The following KSR2 variants were observed in gnomAD, a reference collection of about 807,000 sequenced individuals.
The protein encoded by KSR2 is kinase suppressor of ras 2.
Under a neutral mutation model 107.8 loss-of-function variants are expected in KSR2, and 25 were observed. The observed-to-expected ratio is 0.23, with a 90% CI of 0.17 to 0.32. The LOEUF (loss-of-function observed/expected upper bound fraction) is 0.32. KSR2 is among the 10% of genes least tolerant of loss of function. The probability of loss-of-function intolerance (pLI) is 1.00; values close to 1 mark genes in which losing one functional copy is unlikely to be tolerated. For missense variants in KSR2, 887 were observed against 1,268.9 expected (o/e 0.70, Z 4.57); for synonymous variants, 480 against 507.0 (o/e 0.95, Z 0.71).
At chr12:117,627,899 TC>T (rs1232947068) in intron 5 of KSR2, among the ~76,000 whole-genome samples, 1 of 152,226 alleles carries the variant, frequency 6.6e-6, no homozygotes, top group Non-Finnish European at 1.5e-5. Flanking sequence ...TTTGTTCATT[TC>T]TTTTTACTCT....
At chr12:117,799,294 G>T (rs1890745585) in intron 3 of KSR2, among the ~76,000 whole-genome samples, 1 of 152,132 alleles carries the variant, frequency 6.6e-6, no homozygotes, top group African/African-American at 2.4e-5. Context: ...CTGAGGTCAG[G>T]AGTTCAAGAT....
rs1259499747 is a variant in KSR2 at position 117,460,522 on chromosome 12, G to A, written c.*6677C>T. The A allele has an allele frequency of 1.3e-5, 2 of 152,206 alleles. No individual in the cohort carries two copies. Among genetic ancestry groups the A allele is most frequent in the Non-Finnish European group, 2.9e-5 (2 of 68,052 alleles). The allele number at this position is 152,206 out of a possible 1,614,324, so 9.4% of individuals were successfully genotyped here. On this transcript the variant is annotated 3_prime_UTR_variant, in exon 20 of 20. Coordinates refer to ENST00000339824, the MANE Select transcript of KSR2 (RefSeq NM_173598.6). ...AAATCCGGGCTGCTGCTGGCAGCCT[G>A]TCAGTTTGAGAACATAAGTTCAAGC...
chr12:117,819,151 T>TCCCCTG (rs2137073245), intron 3 of KSR2, among the ~76,000 whole-genome samples: 1 of 152,170 alleles, frequency 6.6e-6, no homozygotes, highest in Admixed American at 6.5e-5. Flanking sequence ...CCAAAATATG[T>TCCCCTG]AGCATCAGGC....
chr12:117,692,523 T>TAC (rs58851377), intron 4 of KSR2, among the ~76,000 whole-genome samples: 8,441 of 123,176 alleles, frequency 0.069, 967 homozygotes, highest in South Asian at 0.15. Flanking sequence ...CACATATATA[T>TAC]ACACACACAC....
At position 117,530,844 on chromosome 12, in the gene KSR2, C is replaced by G. The variant is rs532939639; in HGVS notation, c.1802+97G>C. The G allele has an allele frequency of 6.6e-6, 7 of 1,066,322 alleles. No homozygotes were observed. In the African/African-American group the frequency reaches 1.1e-4, roughly 17 times the overall value. 66.1% of individuals were successfully genotyped at this position (1,066,322 alleles called of 1,614,324 possible). A position where few individuals can be genotyped will look rare whatever the true frequency, so the allele number is the denominator to read the frequency against. ...CCCTCTGCCCCCAACTCCATCAGTT[C>G]CAGGAAGAGAAGGAAAGAAGATAGG... is the stretch of plus-strand genomic sequence containing the variant. On this transcript the variant is annotated intron_variant, in intron 12 of 19. Transcript: ENST00000339824.
intron 14 of KSR2, among the ~76,000 whole-genome samples, chr12:117,496,778 T>TA (rs1211496378): frequency 2.0e-5 from 3 of 151,136 alleles, no homozygotes; most frequent in Non-Finnish European, 2.9e-5. Context: ...TCTCTTTTTG[T>TA]AAAAAAAACA....
At chr12:117,679,214 T>C (rs1236440646) in intron 4 of KSR2, among the ~76,000 whole-genome samples, 1 of 152,120 alleles carries the variant, frequency 6.6e-6, no homozygotes, top group East Asian at 1.9e-4. Context: ...GAACTTTAGG[T>C]TGCTATCACC....
chr12:117,475,200 C>T (rs866771516), intron 17 of KSR2, among the ~76,000 whole-genome samples: 4 of 152,160 alleles, frequency 2.6e-5, no homozygotes, highest in South Asian at 2.1e-4. Context: ...ATGTCACTCC[C>T]CCTTCCCCCA....
At chr12:117,486,484 G>A (rs764836853) in intron 14 of KSR2, among the ~76,000 whole-genome samples, 8 of 152,148 alleles carry the variant, frequency 5.3e-5, no homozygotes, top group African/African-American at 1.7e-4. Flanking sequence ...CCCTAGCACC[G>A]TGACTGGCTC....
chr12:117,653,753 T>C (rs747485449), intron 5 of KSR2, among the ~76,000 whole-genome samples: 33 of 152,226 alleles, frequency 2.2e-4, no homozygotes, highest in Non-Finnish European at 2.4e-4. Context: ...CTAGCGGGCC[T>C]ATTTGGATTT....
Position 117,794,337 on chromosome 12 carries a change from ACACT to A in KSR2, c.473-32817_473-32814del, listed in dbSNP as rs141273075. On this transcript the variant is annotated intron_variant, in intron 3 of 19. Transcript: ENST00000339824. ...CCAACATGCACTCACACCAACATGC[ACACT>A]CACACCAACAGGCACACACACCAAC... is the stretch of plus-strand genomic sequence containing the variant. 3.3e-5 allele frequency among the ~76,000 whole-genome samples: 4 copies of A among 121,566 alleles called. 1 individual carries two copies. The highest frequency in any genetic ancestry group is 1.3e-4 in the African/African-American group (4 of 30,062). The allele number at this position is 121,566 out of a possible 152,430, so 79.8% of individuals were successfully genotyped here.
intron 10 of KSR2, among the ~76,000 whole-genome samples, 193 bp from the exon 11 acceptor site, chr12:117,531,900 C>T (rs764483568): frequency 7.2e-5 from 11 of 152,090 alleles, no homozygotes; most frequent in Non-Finnish European, 8.8e-5. Flanking sequence ...ACATCCATGC[C>T]GACCCTCCCA....
chr12:117,786,573 T>C (rs889051270), intron 3 of KSR2, among the ~76,000 whole-genome samples: 1 of 152,152 alleles, frequency 6.6e-6, no homozygotes, highest in Non-Finnish European at 1.5e-5. Context: ...CCCAGCACTT[T>C]GGGAGGCCGA....
At chr12:117,932,654 C>T (rs1219771868) in intron 1 of KSR2, among the ~76,000 whole-genome samples, 5 of 151,596 alleles carry the variant, frequency 3.3e-5, no homozygotes, top group Admixed American at 1.3e-4. Flanking sequence ...CCCAGGAGGT[C>T]GAGGCTGCAG....
chr12:117,708,284 GGTCCAGTGGA>G (rs1886608863), intron 4 of KSR2, among the ~76,000 whole-genome samples: 1 of 152,118 alleles, frequency 6.6e-6, no homozygotes. Flanking sequence ...AGGACTCCAG[GGTCCAGTGGA>G]GTCCAGTGGT....
At chr12:117,477,852 C>T (rs965656944) in intron 16 of KSR2, among the ~76,000 whole-genome samples, 15 of 152,234 alleles carry the variant, frequency 9.9e-5, no homozygotes, top group African/African-American at 3.4e-4. Context: ...CTGCCATGAA[C>T]ATCTTTGGGT....
At chr12:117,469,626 A>T in intron 19 of KSR2, 36 bp downstream of exon 19, 1 of 1,605,166 alleles carries the variant, frequency 6.2e-7, no homozygotes, top group Non-Finnish European at 8.5e-7. Context: ...GCAGAGGACA[A>T]GGCAGTGGGG....
intron 3 of KSR2, among the ~76,000 whole-genome samples, chr12:117,849,788 A>G (rs1202050437): frequency 6.6e-6 from 1 of 152,214 alleles, no homozygotes; most frequent in Non-Finnish European, 1.5e-5. Context: ...GGCCAAGCAC[A>G]AAGCAGCCTT....
intron 2 of KSR2, among the ~76,000 whole-genome samples, chr12:117,856,763 C>T (rs532438356): frequency 6.6e-6 from 1 of 152,254 alleles, no homozygotes; most frequent in East Asian, 1.9e-4. Context: ...AAATAGCCTA[C>T]GGATGGTGTT....
Sources: gnomAD v4.1 joint callset for allele counts (sites outside exome capture counted in the v4.1 genomes callset) on GRCh38, gnomAD v4.1.1 for gene constraint, MANE v1.5 for transcripts, NCBI Gene and HGNC (gene_info 2026-07-23, HGNC 2026-07-21) for gene names.